The following CDH12 variants were observed in gnomAD, a reference collection of about 807,000 sequenced individuals.
CDH12 encodes the protein cadherin-12.
CDH12 carries 41 observed loss-of-function variants against 74.1 expected under a neutral mutation model. The ratio of observed to expected loss-of-function variants is 0.55; its 90% CI spans 0.43 to 0.72. The LOEUF is 0.72. CDH12 is among the 30% of genes least tolerant of loss of function. The pLI, the probability that CDH12 is intolerant of heterozygous loss-of-function variation, is 0.00. For missense variants in CDH12, 945 were observed against 977.2 expected (o/e 0.97, Z 0.44); for synonymous variants, 399 against 355.0 (o/e 1.12, Z -1.39).
At chr5:22,779,290 AT>A (rs1747269060) in intron 1 of CDH12, among the ~76,000 whole-genome samples, 1 of 152,196 alleles carries the variant, frequency 6.6e-6, no homozygotes, top group South Asian at 2.1e-4. Flanking sequence ...TTTCAGACAT[AT>A]GGGAAAAATA....
chr5:21,920,448 G>A (rs1285575358), intron 6 of CDH12, among the ~76,000 whole-genome samples: 1 of 151,976 alleles, frequency 6.6e-6, no homozygotes, highest in African/African-American at 2.4e-5. Flanking sequence ...AACAATGCAT[G>A]CTCTCACTGA....
At chr5:22,804,401 G>A (rs938355952) in intron 1 of CDH12, among the ~76,000 whole-genome samples, 2 of 151,892 alleles carry the variant, frequency 1.3e-5, no homozygotes, top group African/African-American at 4.8e-5. Context: ...AGAGAAGGAT[G>A]GGGGGGAGAT....
intron 5 of CDH12, among the ~76,000 whole-genome samples, chr5:22,044,349 C>T (rs1365692849): frequency 6.6e-6 from 1 of 152,104 alleles, no homozygotes; most frequent in Non-Finnish European, 1.5e-5. Context: ...CACAGTTCTG[C>T]ATGGCTGGAA....
rs1737361731 is a variant in CDH12 at position 22,012,499 on chromosome 5, T to C, written c.232-37114A>G. ...TCTATTTTTAAGAGTGTAAAATTTG[T>C]CTTTCAGTTGACAGTGAGTTACAGG... On this transcript the variant is annotated intron_variant, in intron 5 of 14. Coordinates refer to ENST00000382254, the MANE Select transcript of CDH12 (RefSeq NM_004061.5). Among the ~76,000 whole-genome samples the C allele has an allele frequency of 2.0e-5, 3 of 152,262 alleles. No homozygotes were observed. In the South Asian group the frequency reaches 6.2e-4, roughly 32 times the overall value.
At chr5:22,794,001 C>T (rs1748056619) in intron 1 of CDH12, among the ~76,000 whole-genome samples, 2 of 152,256 alleles carry the variant, frequency 1.3e-5, no homozygotes, top group South Asian at 4.1e-4. Context: ...CATATAAATA[C>T]TAGCTCTACA....
chr5:22,317,628 A>G (rs1175250792), intron 3 of CDH12, among the ~76,000 whole-genome samples: 1 of 152,200 alleles, frequency 6.6e-6, no homozygotes, highest in Non-Finnish European at 1.5e-5. Flanking sequence ...GGGGTATAAA[A>G]TGACAAGTTC....
intron 1 of CDH12, among the ~76,000 whole-genome samples, chr5:22,657,221 A>G (rs2126892248): frequency 6.6e-6 from 1 of 152,266 alleles, no homozygotes; most frequent in Non-Finnish European, 1.5e-5. Flanking sequence ...CAAAATCATA[A>G]TAGTGGTATT....
intron 5 of CDH12, among the ~76,000 whole-genome samples, chr5:21,978,291 T>A (rs1208652507): frequency 1.3e-5 from 2 of 152,074 alleles, no homozygotes; most frequent in Non-Finnish European, 2.9e-5. Context: ...ACAAGGCGCA[T>A]GCCACCATGC....
intron 1 of CDH12, among the ~76,000 whole-genome samples, chr5:22,507,883 G>A (rs991183405): frequency 2.0e-5 from 3 of 152,118 alleles, no homozygotes; most frequent in African/African-American, 2.4e-5. Flanking sequence ...TCCATTTCTC[G>A]CCTCTTCCAG....
chr5:22,295,714 A>T (rs1737594320), intron 3 of CDH12, among the ~76,000 whole-genome samples: 1 of 152,156 alleles, frequency 6.6e-6, no homozygotes, highest in Non-Finnish European at 1.5e-5. Context: ...CTAAACACTA[A>T]TGACTAATCT....
At chr5:22,202,916 A>C (rs1751004444) in intron 4 of CDH12, among the ~76,000 whole-genome samples, 1 of 152,190 alleles carries the variant, frequency 6.6e-6, no homozygotes, top group Admixed American at 6.5e-5. Context: ...TTTCTCCTAT[A>C]GTATACATAT....
At chr5:21,984,532 G>C (rs1012600531) in intron 5 of CDH12, among the ~76,000 whole-genome samples, 1 of 152,092 alleles carries the variant, frequency 6.6e-6, no homozygotes, top group Non-Finnish European at 1.5e-5. Context: ...GCTCCTTTGG[G>C]CTTGTTTAAA....
At chr5:22,328,575 G>A (rs1301980129) in intron 3 of CDH12, among the ~76,000 whole-genome samples, 1 of 152,178 alleles carries the variant, frequency 6.6e-6, no homozygotes, top group African/African-American at 2.4e-5. Context: ...CTAGGTGAGA[G>A]TTACTAAGAA....
intron 1 of CDH12, among the ~76,000 whole-genome samples, chr5:22,718,077 A>G (rs549245335): frequency 3.3e-5 from 5 of 152,202 alleles, no homozygotes; most frequent in African/African-American, 9.7e-5. Flanking sequence ...TAGCTAATAC[A>G]TGTTTATTAA....
In CDH12 at chr5:22,518,861, C is replaced by T. The variant is rs545545653; in HGVS notation, c.-522-13497G>A. Among the ~76,000 whole-genome samples, 8 of 152,174 alleles carry T rather than the reference C, an allele frequency of 5.3e-5. No individual in the cohort carries two copies. In the South Asian group the frequency reaches 1.5e-3, roughly 28 times the overall value. ...TTGATTGGAAACAAGAGAGAAAGTA[C>T]AGGAATTGGTAGGGCCCGTTGGTAT... On this transcript the variant is annotated intron_variant, in intron 1 of 14. Transcript: ENST00000382254.
At chr5:22,036,170 G>T (rs1291699793) in intron 5 of CDH12, among the ~76,000 whole-genome samples, 3 of 152,148 alleles carry the variant, frequency 2.0e-5, no homozygotes, top group Non-Finnish European at 4.4e-5. Flanking sequence ...TGATACATGT[G>T]CTCTTACCAG....
At chr5:22,228,627 A>G (rs1752276227) in intron 3 of CDH12, among the ~76,000 whole-genome samples, 1 of 152,132 alleles carries the variant, frequency 6.6e-6, no homozygotes, top group African/African-American at 2.4e-5. Flanking sequence ...CTTGATACCA[A>G]GTAGTATGTA....
intron 1 of CDH12, among the ~76,000 whole-genome samples, chr5:22,745,712 A>G (rs1745260428): frequency 6.6e-6 from 1 of 152,174 alleles, no homozygotes; most frequent in Non-Finnish European, 1.5e-5. Flanking sequence ...GAGCTAAATG[A>G]TGAGAACACA....
At position 21,812,572 on chromosome 5, in the gene CDH12, T is replaced by TA. The variant is rs1275699305; in HGVS notation, c.1002+4372dup. Among the ~76,000 whole-genome samples, 4 of 152,260 alleles carry TA rather than the reference T, an allele frequency of 2.6e-5. No individual in the cohort carries two copies. In the East Asian group the frequency reaches 7.7e-4, roughly 29 times the overall value. ...TCTTTACCCAAAAGCATTCTGTACT[T>TA]AAAAAATTGTTGTAGTGTTTCAATT... On this transcript the variant is annotated intron_variant, in intron 9 of 14. Transcript: ENST00000382254.
Sources: allele counts gnomAD v4.1 joint callset (sites outside exome capture counted in the v4.1 genomes callset), GRCh38; gene constraint gnomAD v4.1.1; transcripts MANE v1.5; gene names NCBI Gene and HGNC (gene_info 2026-07-23, HGNC 2026-07-21).